Variants in PFAS observed in about 807,000 individuals in gnomAD.
PFAS encodes FGAM synthase.
PFAS carries 97 observed loss-of-function variants against 140.6 expected under a neutral mutation model. The observed-to-expected ratio is 0.69, with a 90% CI of 0.59 to 0.82. The LOEUF (loss-of-function observed/expected upper bound fraction) is 0.82, where lower values mean the gene tolerates loss of function less well. PFAS is among the 40% of genes least tolerant of loss of function. The pLI is 0.00. For missense variants in PFAS, 1,656 were observed against 1,780.2 expected (o/e 0.93, Z 1.26); for synonymous variants, 679 against 718.8 (o/e 0.94, Z 0.88).
chr17:8,263,514 A>G, intron 13 of PFAS, 61 bp from the exon 14 acceptor site: 2 of 1,411,830 alleles, frequency 1.4e-6, no homozygotes, highest in Non-Finnish European at 1.0e-6. Context: ...GAGGCCAGGG[A>G]CTGCCCTTTG....
Position 8,255,924 on chromosome 17 carries a change from G to C in PFAS, c.680+14G>C, listed in dbSNP as rs1027804697. The C allele has an allele frequency of 1.3e-6, 2 of 1,574,908 alleles. No individual in the cohort carries two copies. The highest frequency in any genetic ancestry group is 1.7e-6 in the Non-Finnish European group (2 of 1,144,438). ...GCAGTCCAATAGGTGAGGAGAAATGGGGTTGTTCCCATACCTGAGCCCATG... is the reference window on the plus strand; with the variant it reads ...GCAGTCCAATAGGTGAGGAGAAATGCGGTTGTTCCCATACCTGAGCCCATG... On this transcript the variant is annotated intron_variant, in intron 6 of 27. Coordinates refer to ENST00000314666, the MANE Select transcript of PFAS (RefSeq NM_012393.3).
At chr17:8,252,217 C>G (rs1050242628) in intron 1 of PFAS, among the ~76,000 whole-genome samples, 3 of 151,072 alleles carry the variant, frequency 2.0e-5, no homozygotes, top group Admixed American at 6.6e-5. Flanking sequence ...TTGCTTGAAC[C>G]CAGGTGGCAG....
intron 9 of PFAS, among the ~76,000 whole-genome samples, chr17:8,257,274 T>C (rs1282041253): frequency 6.6e-6 from 1 of 152,190 alleles, no homozygotes; most frequent in Non-Finnish European, 1.5e-5. Flanking sequence ...CTGAGAAACT[T>C]GGCTGGGCGT....
In PFAS at chr17:8,263,926, G is replaced by A. The variant is rs777732186; in HGVS notation, c.1781G>A (p.Gly594Glu). Residue 594 changes from glycine to glutamate, a missense_variant, in exon 15 of 28, where the codon GGA (glycine) becomes GAA (glutamate). Coordinates refer to ENST00000314666, the MANE Select transcript of PFAS (RefSeq NM_012393.3). ...GCTTGCTTCGTGGGCACCATCACTG[G>A]AGACCGGAGAGTGAGTTGGCCCAGG... ...CPACFVGTITGDRRIVLVDDR... is the reference protein window; with the variant it reads ...CPACFVGTITEDRRIVLVDDR... 8.7e-6 allele frequency: 14 copies of A among 1,612,666 alleles called. No individual in the cohort carries two copies. The highest frequency in any genetic ancestry group is 3.3e-5 in the Admixed American group (2 of 59,998).
rs759667603 is a variant in PFAS, at chr17:8,255,633, C to A, written c.516C>A (p.Gly172=). 2 of 1,582,192 alleles carry A rather than the reference C, an allele frequency of 1.3e-6. No homozygotes were observed. The highest frequency in any genetic ancestry group is 1.7e-6 in the Non-Finnish European group (2 of 1,166,914). The change falls in exon 5 of 28, where the codon GGC becomes GGA. Residue 172 remains glycine (G), a synonymous_variant. Coordinates refer to ENST00000314666, the MANE Select transcript of PFAS (RefSeq NM_012393.3). ...AGAGCATGCCGGAACCCCTCAATGG[C>A]CCTATCAATATACTGGGTGAGGGCC... ...SPESMPEPLN[G]PINILGEGRL... is the part of the protein sequence containing the mutation.
At chr17:8,262,719 C>T (rs1989640785) in intron 11 of PFAS, among the ~76,000 whole-genome samples, 1 of 152,024 alleles carries the variant, frequency 6.6e-6, no homozygotes, top group Admixed American at 6.6e-5. Context: ...TCGCTTGAAC[C>T]CAGGAGACGG....
At position 8,255,804 on chromosome 17, in the gene PFAS, G is replaced by A. The variant is rs750992175; in HGVS notation, c.575-1G>A. On this transcript the variant is annotated splice_acceptor_variant, in intron 5 of 27. Coordinates refer to ENST00000314666, the MANE Select transcript of PFAS (RefSeq NM_012393.3). LOFTEE classifies it high-confidence loss of function. ...CACCTCTTCCTGGATTTGTCTCCTA[G>A]GTCTGGCTTTAGACTCTTGGGACCT... 16 of 1,613,448 alleles carry A rather than the reference G, an allele frequency of 9.9e-6. No homozygotes were observed. Among genetic ancestry groups the A allele is most frequent in the Non-Finnish European group, 1.4e-5 (16 of 1,179,542 alleles).
In PFAS at chr17:8,256,716, TGGAGTGGGCCTG is replaced by T. The variant is rs1003284824; in HGVS notation, c.946+71_946+82del. 8 of 1,573,426 alleles carry T rather than the reference TGGAGTGGGCCTG, an allele frequency of 5.1e-6. No homozygotes were observed. The African/African-American group carries it at 1.1e-4, about 22-fold the overall frequency. On this transcript the variant is annotated intron_variant, in intron 8 of 27. Coordinates refer to ENST00000314666, the MANE Select transcript of PFAS (RefSeq NM_012393.3). ...GGGTAGGGCAAAGGTCCCAGGCCCC[TGGAGTGGGCCTG>T]GGGAAAATAATCAGGGAAATTGGTT...
At chr17:8,256,696 G>A in intron 8 of PFAS, 48 bp downstream of exon 8, 2 of 1,604,632 alleles carry the variant, frequency 1.2e-6, no homozygotes, top group Non-Finnish European at 1.7e-6. Flanking sequence ...GAATAGGGTA[G>A]GGCAAAGGTC....
chr17:8,263,089 T>A lies in PFAS; in HGVS notation c.1411-20T>A. On this transcript the variant is annotated intron_variant, in intron 12 of 27. Transcript: ENST00000314666. ...AGCTTCCAGTCTCGCTGAGCTGAGC[T>A]ATGCCATATATGCCCCCAGGTGCAG... The A allele has an allele frequency of 6.2e-7, 1 of 1,613,678 alleles. No homozygotes were observed. Among genetic ancestry groups the A allele is most frequent in the African/African-American group, 1.3e-5 (1 of 75,042 alleles).
At chr17:8,262,865 G>C (rs941840336) in intron 11 of PFAS, 55 bp from the exon 12 acceptor site, 1 of 1,385,212 alleles carries the variant, frequency 7.2e-7, no homozygotes, top group African/African-American at 1.4e-5. Flanking sequence ...CCTTGCTTTC[G>C]AGGCCTCTTC....
chr17:8,262,859 G>A, intron 11 of PFAS, 61 bp from the exon 12 acceptor site: 1 of 1,323,154 alleles, frequency 7.6e-7, no homozygotes, highest in Non-Finnish European at 1.1e-6. Flanking sequence ...ACGCTGCCTT[G>A]CTTTCGAGGC....
chr17:8,265,577 A>T lies in PFAS; in HGVS notation c.2483A>T (p.Tyr828Phe). The T allele has an allele frequency of 6.2e-7, 1 of 1,614,098 alleles. No individual in the cohort carries two copies. The highest frequency in any genetic ancestry group is 8.5e-7 in the Non-Finnish European group (1 of 1,179,996). Reference sequence around the variant, plus strand: ...ACAGGGTCACTGGTCATCTCAGCCTATGCCGTCTGCCCAGACATCACAGCC... The same window carrying T: ...ACAGGGTCACTGGTCATCTCAGCCTTTGCCGTCTGCCCAGACATCACAGCC... ...RAPGSLVISA[Y>F]AVCPDITATV... Residue 828 changes from tyrosine (Y) to phenylalanine (F), a missense_variant, in exon 20 of 28, where the codon TAT becomes TTT. Tyr to Phe is a conservative substitution (Grantham distance 22, BLOSUM62 3). This residue lies in a region of PFAS where 883 missense variants were observed against 1,023.0 expected (regional missense o/e 0.86). Transcript: ENST00000314666.
At position 8,269,114 on chromosome 17, in the gene PFAS, C is replaced by T. The variant is rs769149981; in HGVS notation, c.3867C>T (p.Gly1289=). 6.2e-7 allele frequency: 1 copy of T among 1,614,094 alleles called. No homozygotes were observed. The highest frequency in any genetic ancestry group is 8.5e-7 in the Non-Finnish European group (1 of 1,180,026). The change falls in exon 28 of 28, where the codon GGC becomes GGT. Residue 1289 remains glycine (G), a synonymous_variant. Coordinates refer to ENST00000314666, the MANE Select transcript of PFAS (RefSeq NM_012393.3). ...GGVAGICSCD[G]RHLAVMPHPE... ...TGGCTGGCATCTGCTCCTGTGATGG[C>T]CGCCACCTGGCTGTCATGCCTCACC...
rs1309688931 is a variant in PFAS at position 8,266,607 on chromosome 17, C to T, written c.2822-146C>T. Reference sequence around the variant, plus strand: ...ATGAAACATCCTCAGTCCTGCCGTCCTAGCCCTCATCCTCCCTGATCCCTA... The same window carrying T: ...ATGAAACATCCTCAGTCCTGCCGTCTTAGCCCTCATCCTCCCTGATCCCTA... On this transcript the variant is annotated intron_variant, in intron 22 of 27. Transcript: ENST00000314666. This position sits in a 1 kb window ranked among gnomAD's most constrained non-coding sequence, Gnocchi z 5.0. 2 of 1,487,772 alleles carry T rather than the reference C, an allele frequency of 1.3e-6. No homozygotes were observed. The highest frequency in any genetic ancestry group is 1.8e-6 in the Non-Finnish European group (2 of 1,126,472). The allele number at this position is 1,487,772 out of a possible 1,614,324, so 92.2% of individuals were successfully genotyped here. A position where few individuals can be genotyped will look rare whatever the true frequency, so the allele number is the denominator to read the frequency against.
Position 8,267,489 on chromosome 17 carries a change from G to A in PFAS, c.3267+26G>A, listed in dbSNP as rs908080680. 6 of 1,605,920 alleles carry A rather than the reference G, an allele frequency of 3.7e-6. No individual in the cohort carries two copies. The highest frequency in any genetic ancestry group is 1.7e-4 in the Middle Eastern group (1 of 6,022). On this transcript the variant is annotated intron_variant, in intron 25 of 27. Coordinates refer to ENST00000314666, the MANE Select transcript of PFAS (RefSeq NM_012393.3). The surrounding 1 kb of genome is among the most constrained non-coding windows in gnomAD (Gnocchi z 4.9). The stretch of plus-strand genomic sequence containing the variant: ...GTGAGCAGGGTAGGGGGCAGCTGGG[G>A]GTGATTGTCCAGCCTCAGCTGCGTG...
intron 11 of PFAS, 83 bp downstream of exon 11, chr17:8,258,282 C>T: frequency 1.4e-6 from 2 of 1,446,454 alleles, no homozygotes; most frequent in South Asian, 2.4e-5. Context: ...TTAGGGAACA[C>T]TTCAGTGGTT....
In PFAS at chr17:8,267,387, G is replaced by T. The variant is rs769150645; in HGVS notation, c.3191G>T (p.Arg1064Leu). 11 of 1,614,024 alleles carry T rather than the reference G, an allele frequency of 6.8e-6. No individual in the cohort carries two copies. The highest frequency in any genetic ancestry group is 5.1e-6 in the Non-Finnish European group (6 of 1,179,962). The stretch of plus-strand genomic sequence containing the variant: ...CTCCCCCAAGGTGGTCCCAGCCCCC[G>T]AGTCGCCATCTTGCGAGAGGAGGGC... The part of the protein sequence containing the change: ...VPREPGGPSP[R>L]VAILREEGSN... The change falls in exon 25 of 28, where the codon CGA becomes CTA. Residue 1064 changes from arginine to leucine, a missense_variant. Physicochemically the swap from Arg to Leu is moderately radical, Grantham distance 102 (BLOSUM62 -2). This residue lies in a region of PFAS where 883 missense variants were observed against 1,023.0 expected (regional missense o/e 0.86). Coordinates refer to ENST00000314666, the MANE Select transcript of PFAS (RefSeq NM_012393.3). This position sits in a 1 kb window ranked among gnomAD's most constrained non-coding sequence, Gnocchi z 4.9.
At chr17:8,253,832 C>G in intron 1 of PFAS, 27 bp from the exon 2 acceptor site, 1 of 1,460,840 alleles carries the variant, frequency 6.8e-7, no homozygotes. Flanking sequence ...AGCCACCACG[C>G]CCGGCTTAGT....
Sources: allele counts gnomAD v4.1 joint callset (sites outside exome capture counted in the v4.1 genomes callset), GRCh38; gene constraint gnomAD v4.1.1; regional missense constraint gnomAD v4.1.1; non-coding constraint Gnocchi (gnomAD v3.1); transcripts MANE v1.5; gene names NCBI Gene and HGNC (gene_info 2026-07-23, HGNC 2026-07-21).